C3orf70: variants seen among roughly 807,000 people sequenced by gnomAD.
The protein encoded by C3orf70 is UPF0524 protein C3orf70.
C3orf70 carries 15 observed loss-of-function variants against 20.7 expected under a neutral mutation model. The observed-to-expected ratio is 0.72, with a 90% confidence interval of 0.48 to 1.11. C3orf70 has a LOEUF of 1.11. Ranked by LOEUF, C3orf70 falls within the 50% of genes most tolerant of loss-of-function variation. C3orf70 has a pLI of 0.00. For synonymous variants in C3orf70, 161 were observed against 125.7 expected (o/e 1.28, Z -1.88); for missense variants, 332 against 317.6 (o/e 1.05, Z -0.34).
chr3:185,090,714 T>G (rs548084712), intron 1 of C3orf70, among the ~76,000 whole-genome samples: 1 of 152,220 alleles, frequency 6.6e-6, no homozygotes, highest in African/African-American at 2.4e-5. Flanking sequence ...TTTCACTGAA[T>G]AGCATATCAC....
At position 185,141,421 on chromosome 3, in the gene C3orf70, C is replaced by A. The variant is rs182952452; in HGVS notation, c.196+11207G>T. Among the ~76,000 whole-genome samples, 16 of 150,502 alleles carry A rather than the reference C, an allele frequency of 1.1e-4. No homozygotes were observed. In the East Asian group the frequency reaches 3.1e-3, roughly 29 times the overall value. On this transcript the variant is annotated intron_variant, in intron 1 of 1. Coordinates refer to ENST00000335012, the MANE Select transcript of C3orf70 (RefSeq NM_001025266.3). ...GCACTTGCACTCTTGAACATTTATACCAGAGAAATGAAGACTATGTTCAAG... is the reference window on the plus strand; with the variant it reads ...GCACTTGCACTCTTGAACATTTATAACAGAGAAATGAAGACTATGTTCAAG...
Position 185,079,280 on chromosome 3 carries a change from C to CAAAAAAAAAAAA in C3orf70, c.*3715_*3726dup, listed in dbSNP as rs60241057. 1.6e-4 allele frequency: 8 copies of CAAAAAAAAAAAA among 50,628 alleles called. No homozygotes were observed. Among genetic ancestry groups the CAAAAAAAAAAAA allele is most frequent in the South Asian group, 5.8e-4 (1 of 1,712 alleles). The allele number at this position is 50,628 out of a possible 1,614,324, so 3.1% of individuals were successfully genotyped here. A position where few individuals can be genotyped will look rare whatever the true frequency, so the allele number is the denominator to read the frequency against. The stretch of plus-strand genomic sequence containing the variant: ...TGGGTGAAGGAGCGAGACTCTGTCT[C>CAAAAAAAAAAAA]AAAAAAAAAAAAAAAAAAAAAAAAG... On this transcript the variant is annotated 3_prime_UTR_variant, in exon 2 of 2. Transcript: ENST00000335012.
chr3:185,125,423 CA>C (rs1716387474), intron 1 of C3orf70, among the ~76,000 whole-genome samples: 1 of 114,248 alleles, frequency 8.8e-6, no homozygotes, highest in East Asian at 2.2e-4. Context: ...ACAACAACAA[CA>C]ACAACAAAAA....
rs576718651 is a variant in C3orf70 at position 185,149,348 on chromosome 3, C to T, written c.196+3280G>A. Among the ~76,000 whole-genome samples the T allele has an allele frequency of 5.3e-5, 8 of 149,652 alleles. No homozygotes were observed. The East Asian group carries it at 7.8e-4, about 15-fold the overall frequency. ...TGGAGGTTGCAGTGAGCAGACATCG[C>T]GCCACTACACTCCAGCCCGGGCAAC... On this transcript the variant is annotated intron_variant, in intron 1 of 1. Coordinates refer to ENST00000335012, the MANE Select transcript of C3orf70 (RefSeq NM_001025266.3).
intron 1 of C3orf70, among the ~76,000 whole-genome samples, chr3:185,141,306 G>C (rs999767153): frequency 6.6e-6 from 1 of 151,984 alleles, no homozygotes; most frequent in African/African-American, 2.4e-5. Flanking sequence ...TACATTGCTA[G>C]TGGGAATGTA....
chr3:185,087,617 T>C (rs2108587146), intron 1 of C3orf70, among the ~76,000 whole-genome samples: 1 of 152,256 alleles, frequency 6.6e-6, no homozygotes, highest in South Asian at 2.1e-4. Flanking sequence ...AGTCAACTCA[T>C]AGAAACCGAA....
intron 1 of C3orf70, among the ~76,000 whole-genome samples, chr3:185,149,457 T>C (rs1483163420): frequency 6.6e-6 from 1 of 150,800 alleles, no homozygotes; most frequent in African/African-American, 2.4e-5. Context: ...GCATATAGGG[T>C]CCATAATGGT....
chr3:185,082,498 A>T lies in C3orf70; in HGVS notation c.*509T>A, dbSNP rs114200793. On this transcript the variant is annotated 3_prime_UTR_variant, in exon 2 of 2. Coordinates refer to ENST00000335012, the MANE Select transcript of C3orf70 (RefSeq NM_001025266.3). ...GGCAGCTCTGATCCAGACCCAGTGC[A>T]GGTGTGGGGAGAAGGGGAAGGGAAG... The T allele has an allele frequency of 0.015, 2,306 of 157,852 alleles. 57 individuals are homozygous for T. The highest frequency in any genetic ancestry group is 0.053 in the African/African-American group (2,195 of 41,550). 9.8% of individuals were successfully genotyped at this position (157,852 alleles called of 1,614,324 possible).
chr3:185,129,505 CT>C (rs1301643108), intron 1 of C3orf70, among the ~76,000 whole-genome samples: 2 of 152,132 alleles, frequency 1.3e-5, no homozygotes, highest in Admixed American at 1.3e-4. Flanking sequence ...GATTCTATGT[CT>C]TTGCTATCGT....
intron 1 of C3orf70, among the ~76,000 whole-genome samples, chr3:185,119,095 G>A (rs563504702): frequency 2.6e-5 from 4 of 152,202 alleles, no homozygotes; most frequent in African/African-American, 9.6e-5. Flanking sequence ...TCTTTAGTGG[G>A]CATAATTAAA....
At chr3:185,120,715 A>T (rs1371329579) in intron 1 of C3orf70, among the ~76,000 whole-genome samples, 1 of 124,062 alleles carries the variant, frequency 8.1e-6, no homozygotes, top group Non-Finnish European at 1.6e-5. Context: ...ATCCAAAACT[A>T]AAAAAAAAAA....
At chr3:185,125,003 C>CA (rs1716378520) in intron 1 of C3orf70, among the ~76,000 whole-genome samples, 1 of 151,962 alleles carries the variant, frequency 6.6e-6, no homozygotes, top group Non-Finnish European at 1.5e-5. Context: ...TAAGCGCTGA[C>CA]ATTGTCGAGT....
chr3:185,086,828 G>A (rs996055572), intron 1 of C3orf70, among the ~76,000 whole-genome samples: 1 of 152,004 alleles, frequency 6.6e-6, no homozygotes, highest in African/African-American at 2.4e-5. Flanking sequence ...TAGTAAAGAT[G>A]GCCACATAAA....
Position 185,080,707 on chromosome 3 carries a change from G to C in C3orf70, c.*2300C>G, listed in dbSNP as rs1020542701. 6.6e-6 allele frequency: 1 copy of C among 152,042 alleles called. No individual in the cohort carries two copies. The highest frequency in any genetic ancestry group is 1.9e-4 in the East Asian group (1 of 5,176). 9.4% of individuals were successfully genotyped at this position (152,042 alleles called of 1,614,324 possible). On this transcript the variant is annotated 3_prime_UTR_variant, in exon 2 of 2. Coordinates refer to ENST00000335012, the MANE Select transcript of C3orf70 (RefSeq NM_001025266.3). The stretch of plus-strand genomic sequence containing the variant: ...TGCCTTCAGTGAGCCACTCATGCAC[G>C]GGAGGCACCGAGAACCTCGGGCAGG...
chr3:185,147,271 G>T (rs367821811), intron 1 of C3orf70, among the ~76,000 whole-genome samples: 1 of 152,048 alleles, frequency 6.6e-6, no homozygotes, highest in African/African-American at 2.4e-5. Context: ...AGTTTGGCTG[G>T]TAGCACCTAC....
At chr3:185,102,036 C>T (rs1715833655) in intron 1 of C3orf70, among the ~76,000 whole-genome samples, 1 of 152,160 alleles carries the variant, frequency 6.6e-6, no homozygotes, top group African/African-American at 2.4e-5. Context: ...CCCTCTCTTA[C>T]CACTCCTATT....
chr3:185,105,103 C>A (rs1715903048), intron 1 of C3orf70, among the ~76,000 whole-genome samples: 1 of 152,208 alleles, frequency 6.6e-6, no homozygotes, highest in Non-Finnish European at 1.5e-5. Flanking sequence ...AGAACTGACA[C>A]AAATGTTAAA....
At chr3:185,103,905 G>GC (rs1715872347) in intron 1 of C3orf70, among the ~76,000 whole-genome samples, 1 of 152,184 alleles carries the variant, frequency 6.6e-6, no homozygotes, top group Admixed American at 6.5e-5. Flanking sequence ...GTGGGAACCT[G>GC]CACAGGGAGG....
At chr3:185,139,672 C>G (rs1236043824) in intron 1 of C3orf70, among the ~76,000 whole-genome samples, 1 of 151,862 alleles carries the variant, frequency 6.6e-6, no homozygotes, top group Non-Finnish European at 1.5e-5. Context: ...ATAGAAAACC[C>G]AGAAATAGAC....
Sources: allele counts gnomAD v4.1 joint callset (sites outside exome capture counted in the v4.1 genomes callset), GRCh38; gene constraint gnomAD v4.1.1; transcripts MANE v1.5; gene names NCBI Gene and HGNC (gene_info 2026-07-23, HGNC 2026-07-21).